The following NAA11 variants were observed in gnomAD, a reference collection of about 807,000 sequenced individuals.
NAA11 encodes N-alpha-acetyltransferase 11, NatA catalytic subunit.
NAA11 carries 15 observed loss-of-function variants against 16.1 expected under a neutral mutation model. The observed-to-expected ratio is 0.93, with a 90% CI of 0.62 to 1.44. The LOEUF is 1.44. NAA11 is among the 40% of genes most tolerant of loss of function. NAA11 has a pLI of 0.00. For missense variants in NAA11, 298 were observed against 291.3 expected (o/e 1.02, Z -0.17); for synonymous variants, 122 against 112.4 (o/e 1.09, Z -0.54).
the NAA11 span, among the ~76,000 whole-genome samples, chr4:79,168,715 GTTGT>G: frequency 1.3e-5 from 2 of 152,080 alleles, no homozygotes; most frequent in Non-Finnish European, 2.9e-5. Flanking sequence ...CTTTGATGGG[GTTGT>G]TTGTTTATTT....
At chr4:79,196,731 G>A in the NAA11 span, among the ~76,000 whole-genome samples, 1 of 151,864 alleles carries the variant, frequency 6.6e-6, no homozygotes, top group African/African-American at 2.4e-5. Flanking sequence ...TAAGGTTGTA[G>A]ATGATATTAA....
chr4:79,307,874 T>C (rs1051218963), intron 1 of NAA11, among the ~76,000 whole-genome samples: 1 of 152,214 alleles, frequency 6.6e-6, no homozygotes, highest in Non-Finnish European at 1.5e-5. Flanking sequence ...TTTACTTCTT[T>C]GACCATGTAA....
At chr4:79,173,646 AT>A in the NAA11 span, among the ~76,000 whole-genome samples, 1 of 152,114 alleles carries the variant, frequency 6.6e-6, no homozygotes, top group African/African-American at 2.4e-5. Flanking sequence ...GATACTGAGA[AT>A]AGAACCACTA....
chr4:79,286,419 A>G (rs1722935950), intron 2 of NAA11, among the ~76,000 whole-genome samples: 1 of 152,044 alleles, frequency 6.6e-6, no homozygotes, highest in African/African-American at 2.4e-5. Context: ...TGTTTCTTAA[A>G]GGAAGTGTTT....
chr4:79,169,094 G>A, the NAA11 span, among the ~76,000 whole-genome samples: 1 of 152,040 alleles, frequency 6.6e-6, no homozygotes, highest in Admixed American at 6.6e-5. Context: ...CACTGCTCAA[G>A]GAAATAAGAG....
chr4:79,214,347 TG>T, the NAA11 span, among the ~76,000 whole-genome samples: 1 of 152,206 alleles, frequency 6.6e-6, no homozygotes, highest in Non-Finnish European at 1.5e-5. Context: ...ATTGGTTGAA[TG>T]AACCACCCCC....
At chr4:79,219,928 A>G in the NAA11 span, among the ~76,000 whole-genome samples, 1 of 152,216 alleles carries the variant, frequency 6.6e-6, no homozygotes, top group African/African-American at 2.4e-5. Flanking sequence ...AACCATATCC[A>G]ACCAATATTT....
intron 2 of NAA11, among the ~76,000 whole-genome samples, chr4:79,258,022 G>A (rs1180623005): frequency 6.6e-6 from 1 of 152,252 alleles, no homozygotes; most frequent in Non-Finnish European, 1.5e-5. Flanking sequence ...AGCGGCTACT[G>A]CCATTATGCC....
chr4:79,156,339 A>ATG, the NAA11 span, among the ~76,000 whole-genome samples: 1 of 151,424 alleles, frequency 6.6e-6, no homozygotes. Context: ...GTATATATAT[A>ATG]TATTCATATA....
chr4:79,192,689 C>T, the NAA11 span, among the ~76,000 whole-genome samples: 716 of 151,926 alleles, frequency 4.7e-3, 6 homozygotes, highest in Non-Finnish European at 5.8e-3. Context: ...AATAAACATA[C>T]GTGTGCATGT....
At chr4:79,298,548 C>T (rs917941054) in intron 1 of NAA11, among the ~76,000 whole-genome samples, 15 of 152,226 alleles carry the variant, frequency 9.9e-5, no homozygotes, top group Non-Finnish European at 1.5e-4. Flanking sequence ...CTGGCTGTAG[C>T]CTTGCAGAGA....
chr4:79,287,576 C>G (rs1440868957), intron 2 of NAA11, among the ~76,000 whole-genome samples: 3 of 151,884 alleles, frequency 2.0e-5, no homozygotes, highest in African/African-American at 7.3e-5. Context: ...CTGTAAATTA[C>G]ATCAGCTTTA....
chr4:79,159,412 C>T, the NAA11 span, among the ~76,000 whole-genome samples: 1 of 152,002 alleles, frequency 6.6e-6, no homozygotes, highest in South Asian at 2.1e-4. Flanking sequence ...CAAGAATGAC[C>T]ATTAATAAAA....
At chr4:79,296,278 G>A (rs903272296) in intron 1 of NAA11, among the ~76,000 whole-genome samples, 1 of 152,164 alleles carries the variant, frequency 6.6e-6, no homozygotes, top group African/African-American at 2.4e-5. Context: ...GCACAAAGAA[G>A]GTAAGCAACT....
chr4:79,306,104 T>C (rs1372011174), intron 1 of NAA11, among the ~76,000 whole-genome samples: 1 of 152,206 alleles, frequency 6.6e-6, no homozygotes, highest in Non-Finnish European at 1.5e-5. Context: ...TAAGGGAATA[T>C]TGATTTCCAT....
At chr4:79,198,930 A>G in the NAA11 span, among the ~76,000 whole-genome samples, 1 of 151,950 alleles carries the variant, frequency 6.6e-6, no homozygotes, top group Non-Finnish European at 1.5e-5. Context: ...CTCTTTCTCT[A>G]TGGCAAATGG....
chr4:79,206,094 T>G, the NAA11 span, among the ~76,000 whole-genome samples: 1 of 152,036 alleles, frequency 6.6e-6, no homozygotes, highest in East Asian at 1.9e-4. Flanking sequence ...GCTGTTCAGG[T>G]TCTCTTTTGT....
intron 1 of NAA11, among the ~76,000 whole-genome samples, chr4:79,310,592 C>T (rs1979508): frequency 0.41 from 62,673 of 152,120 alleles, 14,164 homozygotes; most frequent in East Asian, 0.78. Flanking sequence ...AAAATGCCTC[C>T]TTCCTTTCTT....
chr4:79,168,391 T>G, the NAA11 span, among the ~76,000 whole-genome samples: 136 of 152,330 alleles, frequency 8.9e-4, 1 homozygote, highest in African/African-American at 3.2e-3. Flanking sequence ...TACCTAGTAA[T>G]GGGATTGCCA....
Sources: allele counts gnomAD v4.1 joint callset (sites outside exome capture counted in the v4.1 genomes callset), GRCh38; gene constraint gnomAD v4.1.1; transcripts MANE v1.5; gene names NCBI Gene and HGNC (gene_info 2026-07-23, HGNC 2026-07-21).